CPEB3: variants seen among roughly 807,000 people sequenced by gnomAD.
The protein encoded by CPEB3 is cytoplasmic polyadenylation element binding protein 3, also known as cytoplasmic polyadenylation element-binding protein 3.
A neutral mutation model predicts 67.2 loss-of-function variants in CPEB3; 20 were observed. The observed-to-expected ratio is 0.30, with a 90% CI of 0.21 to 0.43. The LOEUF (loss-of-function observed/expected upper bound fraction) is 0.43. CPEB3 is among the 20% of genes least tolerant of loss of function. The pLI, the probability that CPEB3 is intolerant of heterozygous loss-of-function variation, is 1.00. For missense variants in CPEB3, 746 were observed against 968.6 expected (o/e 0.77, Z 3.05); for synonymous variants, 376 against 393.1 (o/e 0.96, Z 0.51).
At chr10:92,139,875 C>T (rs1471886391) in intron 6 of CPEB3, among the ~76,000 whole-genome samples, 2 of 152,012 alleles carry the variant, frequency 1.3e-5, no homozygotes, top group African/African-American at 4.8e-5. Context: ...GAGTTCAAGA[C>T]CAGCCTGGCC....
chr10:92,268,038 G>C (rs760732637), intron 1 of CPEB3, among the ~76,000 whole-genome samples: 4 of 151,980 alleles, frequency 2.6e-5, no homozygotes, highest in African/African-American at 9.7e-5. Flanking sequence ...GGATGGTCTC[G>C]ATCTCTTGAC....
rs367873008 is a variant in CPEB3 at position 92,158,629 on chromosome 10, C to A, written c.1223-13544G>T. ...TGTTTCTGCACAATTTTCAGTAAAG[C>A]TTCTCTTACTCTCTCCATTTACTTT... On this transcript the variant is annotated intron_variant, in intron 4 of 9. Coordinates refer to ENST00000265997, the MANE Select transcript of CPEB3 (RefSeq NM_014912.5). Among the ~76,000 whole-genome samples the A allele has an allele frequency of 2.0e-5, 3 of 152,160 alleles. No homozygotes were observed. The East Asian group carries it at 5.8e-4, about 29-fold the overall frequency.
chr10:92,187,295 GCAAAGCTTTCAATAACAGTTCT>G (rs1848738342), intron 3 of CPEB3, among the ~76,000 whole-genome samples: 1 of 152,130 alleles, frequency 6.6e-6, no homozygotes, highest in African/African-American at 2.4e-5. Flanking sequence ...CTTTCGAAAA[GCAAAGCTTTCAATAACAGTTCT>G]CAACTGACAC....
intron 8 of CPEB3, among the ~76,000 whole-genome samples, chr10:92,083,754 T>C (rs1843251429): frequency 6.6e-6 from 1 of 152,192 alleles, no homozygotes; most frequent in African/African-American, 2.4e-5. Flanking sequence ...GAATGGCACT[T>C]GTCTTCCACG....
At chr10:92,136,345 C>A (rs1466802438) in intron 6 of CPEB3, among the ~76,000 whole-genome samples, 2 of 152,010 alleles carry the variant, frequency 1.3e-5, no homozygotes, top group Admixed American at 1.3e-4. Flanking sequence ...AATGGGATCA[C>A]ATCAAGTTAA....
intron 9 of CPEB3, among the ~76,000 whole-genome samples, chr10:92,071,070 TACACAC>T (rs58497259): frequency 0.27 from 40,060 of 147,380 alleles, 5,387 homozygotes; most frequent in African/African-American, 0.31. Flanking sequence ...CACTTTCATT[TACACAC>T]ACACACACAC....
intron 1 of CPEB3, among the ~76,000 whole-genome samples, chr10:92,252,298 CTTT>C (rs1176476807): frequency 2.0e-5 from 3 of 152,090 alleles, no homozygotes; most frequent in African/African-American, 7.2e-5. Flanking sequence ...GCAACCCCTC[CTTT>C]TTTTAAGCAA....
Position 92,081,515 on chromosome 10 carries a change from A to C in CPEB3, c.1688-14T>G, listed in dbSNP as rs1055047064. 4 of 1,606,866 alleles carry C rather than the reference A, an allele frequency of 2.5e-6. No homozygotes were observed. In the African/African-American group the frequency reaches 4.0e-5, roughly 16 times the overall value. On this transcript the variant is annotated splice_polypyrimidine_tract_variant and intron_variant, in intron 8 of 9. Transcript: ENST00000265997. ...TTGCCAGTTCAACTGCAAAAAAAAA[A>C]CAAAACATGGATGTGTATAAATATC...
At position 92,214,961 on chromosome 10, in the gene CPEB3, C is replaced by T. The variant is rs193071533; in HGVS notation, c.1006-22325G>A. 1.8e-3 allele frequency among the ~76,000 whole-genome samples: 276 copies of T among 152,046 alleles called. 1 individual carries two copies. Among genetic ancestry groups the T allele is most frequent in the African/African-American group, 6.4e-3 (266 of 41,458 alleles). ...TTCCTGGGTTCAAGTGATTCGCATG[C>T]CTCAGCCTCCCAAGTAGCTGGAATT... On this transcript the variant is annotated intron_variant, in intron 2 of 9. Transcript: ENST00000265997.
chr10:92,153,955 C>T (rs931002813), intron 4 of CPEB3, among the ~76,000 whole-genome samples: 1 of 151,850 alleles, frequency 6.6e-6, no homozygotes, highest in African/African-American at 2.4e-5. Context: ...TGTATTTTCT[C>T]ATTTGCATTG....
At chr10:92,108,682 A>G (rs1407690835) in intron 7 of CPEB3, among the ~76,000 whole-genome samples, 1 of 152,274 alleles carries the variant, frequency 6.6e-6, no homozygotes, top group African/African-American at 2.4e-5. Flanking sequence ...CCAAGCTACA[A>G]TAAAACTGCT....
chr10:92,085,782 A>G (rs1378614757), intron 8 of CPEB3, among the ~76,000 whole-genome samples: 1 of 151,852 alleles, frequency 6.6e-6, no homozygotes, highest in African/African-American at 2.4e-5. Flanking sequence ...ACTCATTTTT[A>G]TATTTTTAGT....
At chr10:92,198,284 C>G (rs1452955622) in intron 2 of CPEB3, among the ~76,000 whole-genome samples, 4 of 152,146 alleles carry the variant, frequency 2.6e-5, no homozygotes, top group Non-Finnish European at 5.9e-5. Flanking sequence ...AGCCTTACAT[C>G]CTTTTTACAA....
chr10:92,160,103 C>T (rs1037181913), intron 4 of CPEB3, among the ~76,000 whole-genome samples: 4 of 152,038 alleles, frequency 2.6e-5, no homozygotes, highest in Non-Finnish European at 1.5e-5. Flanking sequence ...CTGGTCACCA[C>T]GCCTGGCTAA....
intron 2 of CPEB3, among the ~76,000 whole-genome samples, chr10:92,213,557 C>T (rs551300992): frequency 4.9e-4 from 74 of 152,288 alleles, no homozygotes; most frequent in African/African-American, 1.7e-3. Flanking sequence ...AAACAACAGG[C>T]ATAATATATC....
chr10:92,078,148 G>A (rs1484847015), intron 9 of CPEB3, among the ~76,000 whole-genome samples: 5 of 151,966 alleles, frequency 3.3e-5, no homozygotes, highest in African/African-American at 1.2e-4. Context: ...TGCCTTCACT[G>A]TACACCGAAG....
intron 7 of CPEB3, among the ~76,000 whole-genome samples, chr10:92,105,954 G>A (rs1052551773): frequency 2.6e-5 from 4 of 151,708 alleles, no homozygotes; most frequent in South Asian, 4.2e-4. Context: ...GTGCGATGGC[G>A]CAATGTCGGC....
At chr10:92,272,035 T>C (rs1374728889) in intron 1 of CPEB3, 1 of 152,214 alleles carries the variant, frequency 6.6e-6, no homozygotes, top group Non-Finnish European at 1.5e-5. Flanking sequence ...TTCATATTTA[T>C]TCTATTCGTT....
intron 6 of CPEB3, among the ~76,000 whole-genome samples, chr10:92,131,040 C>T (rs142332413): frequency 3.3e-5 from 5 of 152,288 alleles, no homozygotes; most frequent in African/African-American, 1.2e-4. Context: ...TATCTTTAGG[C>T]TCTGCCCAAA....
Sources: gnomAD v4.1 joint callset for allele counts (sites outside exome capture counted in the v4.1 genomes callset) on GRCh38, gnomAD v4.1.1 for gene constraint, MANE v1.5 for transcripts, NCBI Gene and HGNC (gene_info 2026-07-23, HGNC 2026-07-21) for gene names.